CDKL5: variants seen among roughly 807,000 people sequenced by gnomAD.
CDKL5 encodes the protein cyclin dependent kinase like 5.
A neutral mutation model predicts 61.7 loss-of-function variants in CDKL5; 8 were observed. The observed-to-expected ratio is 0.13, with a 90% CI of 0.08 to 0.23. CDKL5 has a LOEUF of 0.23. Among genes scored for constraint, CDKL5 ranks in the 10% least tolerant of loss-of-function variants. The pLI is 1.00. For synonymous variants in CDKL5, 275 were observed against 272.3 expected, an observed-to-expected ratio of 1.01 and a Z score of -0.10; for missense variants, 440 against 734.5, an observed-to-expected ratio of 0.60 and a Z score of 4.63.
intron 1 of CDKL5, among the ~76,000 whole-genome samples, chrX:18,431,490 C>T (rs1483590178): frequency 4.8e-5 from 5 of 105,030 alleles, no homozygotes; most frequent in Non-Finnish European, 7.8e-5. Context: ...GGCGCGGTCT[C>T]GGCTCACTGC....
chrX:18,595,268 C>G, intron 9 of CDKL5, 80 bp from the exon 10 acceptor site: 1 of 650,079 alleles, frequency 1.5e-6, no homozygotes, highest in Admixed American at 2.2e-5. Flanking sequence ...CTTATCTGCT[C>G]CCTTCTGCAA....
chrX:18,634,271 T>C lies in CDKL5; in HGVS notation c.*5514T>C. On this transcript the variant is annotated 3_prime_UTR_variant, in exon 18 of 18. Coordinates refer to ENST00000623535, the MANE Select transcript of CDKL5 (RefSeq NM_001323289.2). ...GCTAAGAATTCCTCAGGACTTCCTT[T>C]GGTTGGGGATTTTACTTTCCCAAAA... 2.7e-6 allele frequency: 2 copies of C among 753,882 alleles called. No homozygotes were observed. The highest frequency in any genetic ancestry group is 3.1e-6 in the Non-Finnish European group (2 of 639,109). The allele number at this position is 753,882 out of a possible 1,213,427, so 62.1% of individuals were successfully genotyped here. A position where few individuals can be genotyped will look rare whatever the true frequency, so the allele number is the denominator to read the frequency against.
chrX:18,606,573 G>A (rs1166486107), intron 12 of CDKL5, among the ~76,000 whole-genome samples: 1 of 112,462 alleles, frequency 8.9e-6, no homozygotes, highest in Non-Finnish European at 1.9e-5. Context: ...TGGCAAGGGA[G>A]CGAGACAGTC....
At chrX:18,540,512 T>A (rs1307693075) in intron 3 of CDKL5, among the ~76,000 whole-genome samples, 1 of 111,676 alleles carries the variant, frequency 9.0e-6, no homozygotes, top group Non-Finnish European at 1.9e-5. Flanking sequence ...AAACTACCTT[T>A]AACCATTCTT....
intron 1 of CDKL5, among the ~76,000 whole-genome samples, chrX:18,484,332 G>A (rs540171528): frequency 9.1e-6 from 1 of 109,732 alleles, no homozygotes; most frequent in Non-Finnish European, 1.9e-5. Context: ...TTTTTTTGGG[G>A]GGGGGACAGT....
chrX:18,518,412 T>TTTTTTTTTTTTTTTTTTTTA (rs1923124025), intron 3 of CDKL5, among the ~76,000 whole-genome samples: 1 of 71,189 alleles, frequency 1.4e-5, no homozygotes, highest in Non-Finnish European at 2.6e-5. Context: ...TTTTTTTTTT[T>TTTTTTTTTTTTTTTTTTTTA]TTTTTTTTTT....
chrX:18,619,794 C>A, intron 15 of CDKL5, 73 bp from the exon 16 acceptor site: 1 of 696,522 alleles, frequency 1.4e-6, no homozygotes, highest in Non-Finnish European at 2.2e-6. Flanking sequence ...ATTTTCAGTC[C>A]TTATTATATT....
intron 3 of CDKL5, among the ~76,000 whole-genome samples, chrX:18,524,367 C>A (rs1413473511): frequency 8.9e-6 from 1 of 112,136 alleles, no homozygotes; most frequent in East Asian, 2.8e-4. Context: ...TTCACCAAGC[C>A]TTCCTCTGGT....
In CDKL5 at chrX:18,449,830, CTG is replaced by C. The variant is rs1257383451; in HGVS notation, c.-163+24137_-163+24138del. Among the ~76,000 whole-genome samples the C allele has an allele frequency of 7.5e-5, 8 of 106,768 alleles. No individual in the cohort carries two copies. The East Asian group carries it at 2.4e-3, about 31-fold the overall frequency. 92.7% of individuals were successfully genotyped at this position (106,768 alleles called of 115,157 possible). A position where few individuals can be genotyped will look rare whatever the true frequency, so the allele number is the denominator to read the frequency against. On this transcript the variant is annotated intron_variant, in intron 1 of 17. Transcript: ENST00000623535. ...TTTTTTTTGGAGACGGAGGCTCACT[CTG>C]TCTCCAGGCTGGAGTGCAGTGGCGC...
chrX:18,533,571 A>C (rs193067660), intron 3 of CDKL5, among the ~76,000 whole-genome samples: 1 of 112,249 alleles, frequency 8.9e-6, no homozygotes, highest in Non-Finnish European at 1.9e-5. Flanking sequence ...TAGATGGTCT[A>C]TGTTCAGTAA....
intron 1 of CDKL5, among the ~76,000 whole-genome samples, chrX:18,502,948 G>T (rs1922440850): frequency 9.0e-6 from 1 of 111,572 alleles, no homozygotes; most frequent in Non-Finnish European, 1.9e-5. Context: ...AAATCAGCTT[G>T]TCTTAATTCT....
At chrX:18,611,333 G>A (rs886740977) in intron 14 of CDKL5, among the ~76,000 whole-genome samples, 20 of 109,239 alleles carry the variant, frequency 1.8e-4, no homozygotes, top group Non-Finnish European at 1.9e-5. Context: ...TACTTGGGAG[G>A]CTGAGGCAGA....
intron 15 of CDKL5, among the ~76,000 whole-genome samples, chrX:18,619,646 A>G (rs955127479): frequency 9.8e-5 from 11 of 111,853 alleles, no homozygotes; most frequent in Non-Finnish European, 3.8e-5. Flanking sequence ...ATAATGCTCA[A>G]ATTGCTCTTT....
chrX:18,613,970 T>G (rs1235645831), intron 15 of CDKL5, among the ~76,000 whole-genome samples: 1 of 112,190 alleles, frequency 8.9e-6, no homozygotes, highest in Non-Finnish European at 1.9e-5. Flanking sequence ...CATTAGCAAA[T>G]CTGTCTGAGG....
intron 1 of CDKL5, among the ~76,000 whole-genome samples, chrX:18,487,437 A>G (rs1037842553): frequency 1.8e-5 from 2 of 112,617 alleles, no homozygotes; most frequent in African/African-American, 6.4e-5. Context: ...AGCTGGGACT[A>G]CAGGCATGGA....
At chrX:18,461,806 C>T (rs1932293953) in intron 1 of CDKL5, among the ~76,000 whole-genome samples, 1 of 112,290 alleles carries the variant, frequency 8.9e-6, no homozygotes, top group African/African-American at 3.2e-5. Flanking sequence ...GAGAATGAAT[C>T]TCCTAACCTC....
chrX:18,491,341 G>A (rs747256339), intron 1 of CDKL5, among the ~76,000 whole-genome samples: 19 of 111,899 alleles, frequency 1.7e-4, no homozygotes, highest in East Asian at 1.7e-3. Flanking sequence ...CTTGGAGATC[G>A]TCCAACTGAG....
chrX:18,621,488 A>C (rs1926887453), intron 16 of CDKL5, among the ~76,000 whole-genome samples: 1 of 111,814 alleles, frequency 8.9e-6, no homozygotes, highest in Non-Finnish European at 1.9e-5. Context: ...GGATTTTGGT[A>C]TATTTTCCTC....
At chrX:18,583,052 G>A (rs1925532209) in intron 7 of CDKL5, among the ~76,000 whole-genome samples, 2 of 111,851 alleles carry the variant, frequency 1.8e-5, no homozygotes, top group Non-Finnish European at 3.8e-5. Context: ...GGCATTTTTA[G>A]CATTTTGTTA....
Sources: allele counts gnomAD v4.1 joint callset (sites outside exome capture counted in the v4.1 genomes callset), GRCh38; gene constraint gnomAD v4.1.1; transcripts MANE v1.5; gene names NCBI Gene and HGNC (gene_info 2026-07-23, HGNC 2026-07-21).